GRM1: variants seen among roughly 807,000 people sequenced by gnomAD.
GRM1 encodes the protein metabotropic glutamate receptor 1.
Under a neutral mutation model 90.9 loss-of-function variants are expected in GRM1, and 33 were observed. The observed-to-expected ratio is 0.36, with a 90% CI of 0.28 to 0.49. The LOEUF (loss-of-function observed/expected upper bound fraction) is 0.49. GRM1 is among the 20% of genes least tolerant of loss of function. GRM1 has a pLI of 0.99. For synonymous variants in GRM1, 700 were observed against 613.2 expected, an observed-to-expected ratio of 1.14 and a Z score of -2.09; for missense variants, 1,190 against 1,534.3, an observed-to-expected ratio of 0.78 and a Z score of 3.75.
intron 2 of GRM1, among the ~76,000 whole-genome samples, chr6:146,267,544 C>T (rs563554330): frequency 6.6e-6 from 1 of 151,760 alleles, no homozygotes; most frequent in South Asian, 2.1e-4. Context: ...CAGTCTGAGT[C>T]CCAAAACTGA....
chr6:146,250,416 G>A (rs554264965), intron 2 of GRM1, among the ~76,000 whole-genome samples: 16 of 152,282 alleles, frequency 1.1e-4, no homozygotes, highest in Non-Finnish European at 2.2e-4. Flanking sequence ...TCATGATAGT[G>A]AGTGAGTTCT....
rs1392885007 is a variant in GRM1, at chr6:146,399,161, A to G, written c.2122A>G (p.Ile708Val). ...GTTCATGAGTGCCTGGGCTCAGGTG[A>G]TCATTGCCTCAATTCTGATTAGTGT... ...PRFMSAWAQV[I>V]IASILISVQL... is the part of the protein sequence containing the mutation. Residue 708 changes from isoleucine (I) to valine (V), a missense_variant, in exon 7 of 8, where the codon ATC becomes GTC. This residue lies in a region of GRM1 where 414 missense variants were observed against 598.4 expected (regional missense o/e 0.69). Transcript: ENST00000282753. This position sits in a 1 kb window ranked among gnomAD's most constrained non-coding sequence, Gnocchi z 5.4. 1.9e-6 allele frequency: 3 copies of G among 1,614,054 alleles called. No individual in the cohort carries two copies. Among genetic ancestry groups the G allele is most frequent in the Non-Finnish European group, 2.5e-6 (3 of 1,180,008 alleles).
At chr6:146,186,269 C>T (rs1291078663) in intron 2 of GRM1, among the ~76,000 whole-genome samples, 1 of 152,030 alleles carries the variant, frequency 6.6e-6, no homozygotes, top group African/African-American at 2.4e-5. Flanking sequence ...TGAGCCACCA[C>T]ACCTGGCCTA....
At chr6:146,393,643 A>G (rs1006326286) in intron 6 of GRM1, among the ~76,000 whole-genome samples, 1 of 152,210 alleles carries the variant, frequency 6.6e-6, no homozygotes, top group African/African-American at 2.4e-5. Context: ...AAAACATTCC[A>G]TGCTCATGGA....
chr6:146,389,257 T>A (rs1325240643), intron 6 of GRM1, among the ~76,000 whole-genome samples: 1 of 152,074 alleles, frequency 6.6e-6, no homozygotes, highest in African/African-American at 2.4e-5. Context: ...AGGTTAATCT[T>A]AGAAGTCAGA....
intron 2 of GRM1, among the ~76,000 whole-genome samples, chr6:146,216,389 TA>T (rs909271464): frequency 2.2e-3 from 340 of 152,184 alleles, no homozygotes; most frequent in Non-Finnish European, 3.2e-3. Context: ...TAATTAGTGG[TA>T]AAAAAAACAT....
At chr6:146,160,110 A>G (rs1240436796) in intron 2 of GRM1, among the ~76,000 whole-genome samples, 1 of 152,114 alleles carries the variant, frequency 6.6e-6, no homozygotes, top group Non-Finnish European at 1.5e-5. Context: ...CCTCCTAAAC[A>G]TGAACATCTT....
chr6:146,419,637 C>T (rs1020027152), intron 7 of GRM1, among the ~76,000 whole-genome samples: 2 of 152,084 alleles, frequency 1.3e-5, no homozygotes, highest in Non-Finnish European at 2.9e-5. Context: ...ACAGGAATCA[C>T]GACTGGGAGG....
intron 7 of GRM1, among the ~76,000 whole-genome samples, chr6:146,415,152 G>A (rs74301711): frequency 0.029 from 4,451 of 152,232 alleles, 178 homozygotes; most frequent in African/African-American, 0.088. Flanking sequence ...AGCAGCATGG[G>A]CAGGTTCTGG....
At chr6:146,295,563 A>G (rs1783147448) in intron 2 of GRM1, among the ~76,000 whole-genome samples, 1 of 151,874 alleles carries the variant, frequency 6.6e-6, no homozygotes, top group East Asian at 1.9e-4. Context: ...CCATATCACT[A>G]TGTTTTTGGA....
At chr6:146,357,428 A>G (rs539867859) in intron 4 of GRM1, 98 bp from the exon 5 acceptor site, 1 of 969,824 alleles carries the variant, frequency 1.0e-6, no homozygotes, top group African/African-American at 1.6e-5. Context: ...AGATGATTCT[A>G]GCTTTCTCTT....
chr6:146,365,993 C>T (rs549356055), intron 5 of GRM1, among the ~76,000 whole-genome samples: 60 of 152,236 alleles, frequency 3.9e-4, no homozygotes, highest in African/African-American at 1.3e-3. Flanking sequence ...GTGACCTATT[C>T]CTCTTTCTTG....
At chr6:146,328,096 G>A (rs902171058) in intron 3 of GRM1, among the ~76,000 whole-genome samples, 1 of 152,146 alleles carries the variant, frequency 6.6e-6, no homozygotes, top group Non-Finnish European at 1.5e-5. Context: ...AGCCACATCT[G>A]TCTATAGTGC....
intron 1 of GRM1, among the ~76,000 whole-genome samples, chr6:146,114,521 G>A (rs1226788140): frequency 6.6e-6 from 1 of 152,044 alleles, no homozygotes; most frequent in African/African-American, 2.4e-5. Context: ...ATAAATAATA[G>A]TTGTAGAATG....
In GRM1 at chr6:146,260,804, G is replaced by GTTTTTTTTTTT. The variant is rs56956724; in HGVS notation, c.951-43784_951-43774dup. 6.6e-4 allele frequency among the ~76,000 whole-genome samples: 15 copies of GTTTTTTTTTTT among 22,738 alleles called. 3 individuals are homozygous for GTTTTTTTTTTT. Among genetic ancestry groups the GTTTTTTTTTTT allele is most frequent in the African/African-American group, 1.9e-3 (11 of 5,914 alleles). 14.9% of individuals were successfully genotyped at this position (22,738 alleles called of 152,430 possible). On this transcript the variant is annotated intron_variant, in intron 2 of 7. Transcript: ENST00000282753. ...CCCATTTTTTAATTAGGTTATTTGGGTTTTTTTTTTTTTTTTTTTTTTTTT... is the reference window on the plus strand; with the variant it reads ...CCCATTTTTTAATTAGGTTATTTGGGTTTTTTTTTTTTTTTTTTTTTTTTTTTTTTTTTTTT...
At chr6:146,135,973 A>T (rs1425232442) in intron 1 of GRM1, among the ~76,000 whole-genome samples, 3 of 152,000 alleles carry the variant, frequency 2.0e-5, no homozygotes, top group Non-Finnish European at 4.4e-5. Flanking sequence ...TCTACTCACT[A>T]TCTCTAAGAG....
intron 4 of GRM1, among the ~76,000 whole-genome samples, chr6:146,353,122 C>T (rs1785465147): frequency 6.6e-6 from 1 of 152,148 alleles, no homozygotes; most frequent in African/African-American, 2.4e-5. Context: ...CTCTCCAAGC[C>T]GTTTTACATA....
intron 2 of GRM1, among the ~76,000 whole-genome samples, chr6:146,221,106 A>G (rs1048250311): frequency 4.6e-5 from 7 of 152,134 alleles, no homozygotes; most frequent in Admixed American, 2.6e-4. Context: ...GAGTAGGAAT[A>G]TATTTCTGAA....
At chr6:146,431,618 AC>A (rs1583491017) in intron 7 of GRM1, among the ~76,000 whole-genome samples, 2 of 152,290 alleles carry the variant, frequency 1.3e-5, no homozygotes, top group South Asian at 4.1e-4. Flanking sequence ...ACACACACAC[AC>A]ACACAACTAA....
Sources: allele counts gnomAD v4.1 joint callset (sites outside exome capture counted in the v4.1 genomes callset), GRCh38; gene constraint gnomAD v4.1.1; regional missense constraint gnomAD v4.1.1; non-coding constraint Gnocchi (gnomAD v3.1); transcripts MANE v1.5; gene names NCBI Gene and HGNC (gene_info 2026-07-23, HGNC 2026-07-21).